RC3H1: variants seen among roughly 807,000 people sequenced by gnomAD.
RC3H1 encodes roquin-1.
A neutral mutation model predicts 138.2 loss-of-function variants in RC3H1; 50 were observed. That is an observed-to-expected ratio of 0.36 (90% CI 0.29 to 0.46). The LOEUF is 0.46. Among genes scored for constraint, RC3H1 ranks in the 20% least tolerant of loss-of-function variants. RC3H1 has a pLI of 1.00. For missense variants in RC3H1, 1,031 were observed against 1,388.1 expected, an observed-to-expected ratio of 0.74 and a Z score of 4.09; for synonymous variants, 462 against 489.1, an observed-to-expected ratio of 0.94 and a Z score of 0.73.
intron 1 of RC3H1, among the ~76,000 whole-genome samples, chr1:174,019,484 T>C (rs1188969843): frequency 1.3e-5 from 2 of 152,266 alleles, no homozygotes; most frequent in East Asian, 1.9e-4. Context: ...ACATTCTTCA[T>C]ATGAAAAAAT....
chr1:173,992,718 AG>A, intron 2 of RC3H1, 36 bp downstream of exon 2: 1 of 1,406,292 alleles, frequency 7.1e-7, no homozygotes, highest in Non-Finnish European at 1.0e-6. Context: ...AGAGAGAGAG[AG>A]GGAGAAATTT....
chr1:174,019,574 C>T (rs975771113), intron 1 of RC3H1, among the ~76,000 whole-genome samples: 3 of 152,078 alleles, frequency 2.0e-5, no homozygotes, highest in Non-Finnish European at 1.5e-5. Context: ...TTCTGAAAGG[C>T]GTTGTGTACA....
chr1:173,966,694 G>A (rs914166069), intron 9 of RC3H1, among the ~76,000 whole-genome samples: 3 of 151,102 alleles, frequency 2.0e-5, no homozygotes, highest in Admixed American at 6.6e-5. Flanking sequence ...CAGCCTGGGC[G>A]ACAGAGCGAG....
chr1:173,999,751 C>A (rs1229109613), intron 1 of RC3H1, among the ~76,000 whole-genome samples: 1 of 152,174 alleles, frequency 6.6e-6, no homozygotes, highest in Non-Finnish European at 1.5e-5. Context: ...CCACCAATAA[C>A]CAACATTTGT....
intron 1 of RC3H1, among the ~76,000 whole-genome samples, chr1:174,011,505 C>A (rs1171440136): frequency 6.7e-6 from 1 of 148,624 alleles, no homozygotes; most frequent in African/African-American, 2.5e-5. Context: ...TTTTTTTTTT[C>A]AAGTACAGTA....
At chr1:173,949,021 C>T (rs10912702) in intron 14 of RC3H1, among the ~76,000 whole-genome samples, 43,802 of 151,104 alleles carry the variant, frequency 0.29, 11,329 homozygotes, top group African/African-American at 0.7. Flanking sequence ...CCCCTCATTT[C>T]GTTCCAATAA....
Position 173,970,606 on chromosome 1 carries a change from A to G in RC3H1, c.1233T>C (p.His411=), listed in dbSNP as rs746916516. The G allele has an allele frequency of 6.2e-7, 1 of 1,612,816 alleles. No homozygotes were observed. The highest frequency in any genetic ancestry group is 8.5e-7 in the Non-Finnish European group (1 of 1,179,348). Reference sequence around the variant, plus strand: ...GACACATGTATGTTTTGTATTTGCTATGCTGTGGAGGCTAAAACCAAAATC... The same window carrying G: ...GACACATGTATGTTTTGTATTTGCTGTGCTGTGGAGGCTAAAACCAAAATC... ...KGADQQQPPQ[H]SKYKTYMCRD... Residue 411 remains histidine (H), a synonymous_variant, in exon 9 of 20, where the codon CAT becomes CAC. Transcript: ENST00000367696.
intron 7 of RC3H1, among the ~76,000 whole-genome samples, chr1:173,978,261 T>A (rs1171107364): frequency 6.6e-6 from 1 of 152,194 alleles, no homozygotes; most frequent in Admixed American, 6.5e-5. Flanking sequence ...GAAATCTATT[T>A]TCCTGATGAA....
chr1:173,949,964 C>T (rs909362335), intron 14 of RC3H1, among the ~76,000 whole-genome samples: 11 of 151,904 alleles, frequency 7.2e-5, no homozygotes, highest in East Asian at 1.9e-4. Flanking sequence ...GTCAGGAGTT[C>T]GAGACGAGCC....
At chr1:173,987,457 T>C (rs1393772872) in intron 2 of RC3H1, among the ~76,000 whole-genome samples, 2 of 152,220 alleles carry the variant, frequency 1.3e-5, no homozygotes, top group Non-Finnish European at 2.9e-5. Context: ...GTGCCTTTGA[T>C]ATAGCCCCCA....
intron 1 of RC3H1, among the ~76,000 whole-genome samples, chr1:174,005,043 G>A (rs1188964128): frequency 6.6e-6 from 1 of 152,124 alleles, no homozygotes; most frequent in Admixed American, 6.5e-5. Context: ...AGAAAATAGT[G>A]ACATGGGGTT....
At chr1:173,947,005 A>G (rs1326008205) in intron 15 of RC3H1, among the ~76,000 whole-genome samples, 169 bp from the exon 16 acceptor site, 1 of 152,222 alleles carries the variant, frequency 6.6e-6, no homozygotes, top group African/African-American at 2.4e-5. Flanking sequence ...ATCAGGCAGC[A>G]TGATGCTGGG....
At chr1:173,969,999 G>A (rs1232316869) in intron 9 of RC3H1, among the ~76,000 whole-genome samples, 1 of 152,028 alleles carries the variant, frequency 6.6e-6, no homozygotes, top group Admixed American at 6.6e-5. Context: ...TAGGCATGAT[G>A]CAATAAAAGC....
rs1157875839 is a variant in RC3H1 at position 173,931,876 on chromosome 1, T to C, written c.*6845A>G. On this transcript the variant is annotated 3_prime_UTR_variant, in exon 20 of 20. Coordinates refer to ENST00000367696, the MANE Select transcript of RC3H1 (RefSeq NM_172071.4). ...GTAAAATTTCACAAAATTCAGCAAT[T>C]AAAAAATCAGCTGTCACTTTAAGGC... is the stretch of plus-strand genomic sequence containing the variant. 6.6e-6 allele frequency: 1 copy of C among 151,900 alleles called. No homozygotes were observed. The highest frequency in any genetic ancestry group is 2.4e-5 in the African/African-American group (1 of 41,368). 9.4% of individuals were successfully genotyped at this position (151,900 alleles called of 1,614,324 possible). A position where few individuals can be genotyped will look rare whatever the true frequency, so the allele number is the denominator to read the frequency against.
chr1:174,003,385 T>TCACTCACACACACACA (rs1661594307), intron 1 of RC3H1, among the ~76,000 whole-genome samples: 1 of 143,224 alleles, frequency 7.0e-6, no homozygotes, highest in Non-Finnish European at 1.5e-5. Flanking sequence ...AAGACTCCTA[T>TCACTCACACACACACA]CACACACACA....
intron 1 of RC3H1, among the ~76,000 whole-genome samples, 157 bp from the exon 2 acceptor site, chr1:173,993,292 T>C (rs1019052886): frequency 4.7e-5 from 7 of 149,426 alleles, no homozygotes; most frequent in East Asian, 1.9e-4. Flanking sequence ...AGAGCCATGA[T>C]AGAACATCTA....
chr1:173,981,041 T>C, intron 5 of RC3H1, 32 bp from the exon 6 acceptor site: 8 of 1,575,064 alleles, frequency 5.1e-6, no homozygotes, highest in African/African-American at 2.7e-5. Context: ...CATAATGAAG[T>C]CAAAAAAATG....
At chr1:173,941,940 GA>G (rs57487234) in intron 18 of RC3H1, among the ~76,000 whole-genome samples, 21,621 of 98,110 alleles carry the variant, frequency 0.22, 2,769 homozygotes, top group African/African-American at 0.43. Flanking sequence ...TCAAAAAAAG[GA>G]AAAAAAAAAA....
chr1:174,000,017 T>C (rs1298531072), intron 1 of RC3H1, among the ~76,000 whole-genome samples: 1 of 152,172 alleles, frequency 6.6e-6, no homozygotes, highest in Non-Finnish European at 1.5e-5. Flanking sequence ...AAGGGAGCTC[T>C]TGGGAGTGAC....
Sources: gnomAD v4.1 joint callset for allele counts (sites outside exome capture counted in the v4.1 genomes callset) on GRCh38, gnomAD v4.1.1 for gene constraint, MANE v1.5 for transcripts, NCBI Gene and HGNC (gene_info 2026-07-23, HGNC 2026-07-21) for gene names.